ZSCAN21: variants seen among roughly 807,000 people sequenced by gnomAD.
ZSCAN21 encodes the protein zinc finger and SCAN domain containing 21.
Under a neutral mutation model 35.6 loss-of-function variants are expected in ZSCAN21, and 26 were observed. The ratio of observed to expected loss-of-function variants is 0.73; its 90% confidence interval spans 0.54 to 1.01. ZSCAN21 has a LOEUF of 1.01. Ranked by LOEUF, ZSCAN21 falls within the 50% of genes least tolerant of loss-of-function variation. The pLI, the probability that ZSCAN21 is intolerant of heterozygous loss-of-function variation, is 0.00. For missense variants in ZSCAN21, 593 were observed against 587.1 expected, an observed-to-expected ratio of 1.01 and a Z score of -0.10; for synonymous variants, 219 against 219.3, an observed-to-expected ratio of 1.00 and a Z score of 0.01.
At chr7:100,055,771 G>C (rs1176299134) in intron 1 of ZSCAN21, among the ~76,000 whole-genome samples, 27 of 150,530 alleles carry the variant, frequency 1.8e-4, no homozygotes, top group Admixed American at 1.8e-3. Flanking sequence ...CTCCCGAATA[G>C]CTGGACTACA....
At chr7:100,052,846 C>A (rs931406366) in intron 1 of ZSCAN21, among the ~76,000 whole-genome samples, 1 of 152,014 alleles carries the variant, frequency 6.6e-6, no homozygotes, top group African/African-American at 2.4e-5. Flanking sequence ...AACTGATGTA[C>A]CACCGGGCGT....
chr7:100,064,148 C>G lies in ZSCAN21; in HGVS notation c.953C>G (p.Ser318Ter), dbSNP rs1584390935. 3 of 1,614,176 alleles carry G rather than the reference C, an allele frequency of 1.9e-6. No homozygotes were observed. Among genetic ancestry groups the G allele is most frequent in the Middle Eastern group, 1.6e-4 (1 of 6,062 alleles). ...TKCGKAFSHS[S>*]NLTLHYRTHL... ...TGTGGGAAAGCTTTCAGCCACAGCT[C>G]AAACCTCACCCTCCACTACAGAACA... Residue 318 changes from serine to a stop codon, truncating the protein, a stop_gained, in exon 4 of 4, where the codon TCA (serine) becomes TGA (stop). Coordinates refer to ENST00000292450, the MANE Select transcript of ZSCAN21 (RefSeq NM_145914.3). LOFTEE classifies it high-confidence loss of function.
chr7:100,059,163 C>T (rs186861649), intron 3 of ZSCAN21, among the ~76,000 whole-genome samples: 9 of 152,322 alleles, frequency 5.9e-5, no homozygotes, highest in African/African-American at 2.2e-4. Flanking sequence ...TCCATGCTTG[C>T]TGTGTCTGAA....
At chr7:100,051,178 CAAAA>C (rs369246193) in intron 1 of ZSCAN21, among the ~76,000 whole-genome samples, 753 of 41,250 alleles carry the variant, frequency 0.018, 1 homozygote, top group Middle Eastern at 0.034. Context: ...AACTACGTCT[CAAAA>C]AAAAAAAAAA....
At chr7:100,059,544 A>G (rs1206640389) in intron 3 of ZSCAN21, among the ~76,000 whole-genome samples, 1 of 141,152 alleles carries the variant, frequency 7.1e-6, no homozygotes, top group African/African-American at 2.6e-5. Flanking sequence ...AAAGCTTTGC[A>G]TAAAGTCTTT....
In ZSCAN21 at chr7:100,056,956, A is replaced by G. The variant is rs1222557173; in HGVS notation, c.-51A>G. The G allele has an allele frequency of 6.7e-6, 10 of 1,500,660 alleles. No individual in the cohort carries two copies. In the South Asian group the frequency reaches 1.2e-4, roughly 19 times the overall value. The allele number at this position is 1,500,660 out of a possible 1,614,324, so 93.0% of individuals were successfully genotyped here. ...GAACTGGAAACCCAAAGGAACGAAT[A>G]TTCCTGCCCCACAGAGTCCCATCTT... On this transcript the variant is annotated 5_prime_UTR_variant, in exon 2 of 4. The change creates a new upstream start codon in the 5' untranslated region. Transcript: ENST00000292450.
chr7:100,056,738 A>C (rs1380898242), intron 1 of ZSCAN21, among the ~76,000 whole-genome samples, 173 bp from the exon 2 acceptor site: 1 of 152,220 alleles, frequency 6.6e-6, no homozygotes, highest in African/African-American at 2.4e-5. Context: ...TGCTGGAATT[A>C]TAGGCATGAG....
Position 100,064,988 on chromosome 7 carries a change from C to A in ZSCAN21, c.*371C>A. Reference sequence around the variant, plus strand: ...GAATTTTAATTTGTAAAGAATTGAGCCACATTGAACACAATTGAATGAGAT... The same window carrying A: ...GAATTTTAATTTGTAAAGAATTGAGACACATTGAACACAATTGAATGAGAT... On this transcript the variant is annotated 3_prime_UTR_variant, in exon 4 of 4. Coordinates refer to ENST00000292450, the MANE Select transcript of ZSCAN21 (RefSeq NM_145914.3). 1 of 1,553,988 alleles carries A rather than the reference C, an allele frequency of 6.4e-7. No homozygotes were observed. The highest frequency in any genetic ancestry group is 8.8e-7 in the Non-Finnish European group (1 of 1,134,912).
At position 100,064,159 on chromosome 7, in the gene ZSCAN21, C is replaced by T. The variant is rs753516656; in HGVS notation, c.964C>T (p.Leu322Phe). 1.4e-5 allele frequency: 22 copies of T among 1,613,886 alleles called. No homozygotes were observed. The highest frequency in any genetic ancestry group is 8.5e-7 in the Non-Finnish European group (1 of 1,179,988). The stretch of plus-strand genomic sequence containing the variant: ...TTTCAGCCACAGCTCAAACCTCACC[C>T]TCCACTACAGAACACACTTGGTGGA... ...KAFSHSSNLT[L>F]HYRTHLVDRP... Residue 322 changes from leucine (L) to phenylalanine (F), a missense_variant, in exon 4 of 4, where the codon CTC becomes TTC. Coordinates refer to ENST00000292450, the MANE Select transcript of ZSCAN21 (RefSeq NM_145914.3).
chr7:100,061,538 T>C (rs1402073655), intron 3 of ZSCAN21, among the ~76,000 whole-genome samples: 1 of 152,130 alleles, frequency 6.6e-6, no homozygotes, highest in Non-Finnish European at 1.5e-5. Context: ...AAACAAAGTT[T>C]ATGAGGTTAC....
rs1429412918 is a variant in ZSCAN21, at chr7:100,055,549, A to G, written c.-96-1362A>G. On this transcript the variant is annotated intron_variant, in intron 1 of 3. Transcript: ENST00000292450. ...TTACAGGCATGAGCCACTGCGCCCGACCTCAGTTATTTTTAATGTACTAGT... is the reference window on the plus strand; with the variant it reads ...TTACAGGCATGAGCCACTGCGCCCGGCCTCAGTTATTTTTAATGTACTAGT... 5.6e-5 allele frequency among the ~76,000 whole-genome samples: 8 copies of G among 141,856 alleles called. No homozygotes were observed. The South Asian group carries it at 1.6e-3, about 28-fold the overall frequency. The allele number at this position is 141,856 out of a possible 152,430, so 93.1% of individuals were successfully genotyped here. A position where few individuals can be genotyped will look rare whatever the true frequency, so the allele number is the denominator to read the frequency against.
chr7:100,051,031 C>T (rs983580638), intron 1 of ZSCAN21, among the ~76,000 whole-genome samples: 1 of 150,602 alleles, frequency 6.6e-6, no homozygotes, highest in Non-Finnish European at 1.5e-5. Flanking sequence ...GTCTCTACTA[C>T]AAATACAAAA....
At chr7:100,052,903 C>T (rs1386276539) in intron 1 of ZSCAN21, among the ~76,000 whole-genome samples, 3 of 151,970 alleles carry the variant, frequency 2.0e-5, no homozygotes, top group African/African-American at 7.2e-5. Flanking sequence ...CCGAGGTGGG[C>T]AGATCACTTG....
In ZSCAN21 at chr7:100,064,192, T is replaced by G; in HGVS notation, c.997T>G (p.Tyr333Asp). The stretch of plus-strand genomic sequence containing the variant: ...CAGAACACACTTGGTGGACCGGCCC[T>G]ATGACTGTAAGTGTGGAAAAGCTTT... Reference protein sequence around the residue: ...HYRTHLVDRPYDCKCGKAFGQ... With the variant: ...HYRTHLVDRPDDCKCGKAFGQ... Residue 333 changes from tyrosine to aspartate, a missense_variant, in exon 4 of 4, where the codon TAT becomes GAT. Transcript: ENST00000292450. The G allele has an allele frequency of 6.2e-7, 1 of 1,614,126 alleles. No homozygotes were observed. Among genetic ancestry groups the G allele is most frequent in the Non-Finnish European group, 8.5e-7 (1 of 1,180,018 alleles).
chr7:100,064,196 A>G lies in ZSCAN21; in HGVS notation c.1001A>G (p.Asp334Gly), dbSNP rs1393684737. The G allele has an allele frequency of 6.2e-7, 1 of 1,614,086 alleles. No homozygotes were observed. The highest frequency in any genetic ancestry group is 1.3e-5 in the African/African-American group (1 of 74,998). ...YRTHLVDRPY[D>G]CKCGKAFGQS... ...ACACACTTGGTGGACCGGCCCTATG[A>G]CTGTAAGTGTGGAAAAGCTTTTGGG... Residue 334 changes from aspartate to glycine, a missense_variant, in exon 4 of 4, where the codon GAC becomes GGC. By Grantham distance (94) the Asp-to-Gly change is moderately conservative. Coordinates refer to ENST00000292450, the MANE Select transcript of ZSCAN21 (RefSeq NM_145914.3).
intron 3 of ZSCAN21, among the ~76,000 whole-genome samples, chr7:100,063,429 C>G (rs189620640): frequency 6.6e-6 from 1 of 152,056 alleles, no homozygotes; most frequent in East Asian, 1.9e-4. Context: ...GAAACCCCAT[C>G]TCTACTAAAA....
chr7:100,059,723 TA>T (rs554356927), intron 3 of ZSCAN21, among the ~76,000 whole-genome samples: 1 of 150,840 alleles, frequency 6.6e-6, no homozygotes, highest in Non-Finnish European at 1.5e-5. Flanking sequence ...CAGCTCTTTT[TA>T]AAAAAACAGA....
chr7:100,062,787 A>T (rs892790371), intron 3 of ZSCAN21, among the ~76,000 whole-genome samples: 2 of 151,998 alleles, frequency 1.3e-5, no homozygotes, highest in African/African-American at 4.8e-5. Context: ...AGTCAGGAGA[A>T]TCACTTGAAC....
intron 1 of ZSCAN21, among the ~76,000 whole-genome samples, chr7:100,051,939 A>AT: frequency 6.6e-6 from 1 of 152,130 alleles, no homozygotes; most frequent in East Asian, 1.9e-4. Flanking sequence ...ATGCTTCTTT[A>AT]TTTTTTTAAG....
Sources: allele counts gnomAD v4.1 joint callset (sites outside exome capture counted in the v4.1 genomes callset), GRCh38; gene constraint gnomAD v4.1.1; transcripts MANE v1.5; gene names NCBI Gene and HGNC (gene_info 2026-07-23, HGNC 2026-07-21).